The following RPS6KA2 variants were observed in gnomAD, a reference collection of about 807,000 sequenced individuals.
The protein encoded by RPS6KA2 is ribosomal protein S6 kinase alpha-2.
In RPS6KA2, 42 loss-of-function variants were observed where a neutral mutation model predicts 91.8. The ratio of observed to expected loss-of-function variants is 0.46; its 90% CI spans 0.36 to 0.59. The LOEUF is 0.59. Ranked by LOEUF, RPS6KA2 falls within the 20% of genes least tolerant of loss-of-function variation. RPS6KA2 has a pLI of 0.00. For synonymous variants in RPS6KA2, 414 were observed against 393.6 expected (o/e 1.05, Z -0.61); for missense variants, 798 against 978.5 (o/e 0.82, Z 2.46).
At chr6:166,672,377 C>T (rs1471460789) in intron 2 of RPS6KA2, among the ~76,000 whole-genome samples, 2 of 152,210 alleles carry the variant, frequency 1.3e-5, no homozygotes, top group East Asian at 1.9e-4. Flanking sequence ...AGATAACAAG[C>T]ATAACCAGTC....
At chr6:166,636,074 T>C (rs1041298086) in intron 2 of RPS6KA2, among the ~76,000 whole-genome samples, 2 of 152,202 alleles carry the variant, frequency 1.3e-5, no homozygotes, top group Non-Finnish European at 2.9e-5. Context: ...CTGCCTACAC[T>C]GACTCTGCTA....
chr6:166,594,754 G>A (rs1785482780), intron 1 of RPS6KA2, among the ~76,000 whole-genome samples: 1 of 152,126 alleles, frequency 6.6e-6, no homozygotes, highest in Non-Finnish European at 1.5e-5. Flanking sequence ...GAGCCACTGC[G>A]CCCAGCCCAA....
chr6:166,630,566 C>A (rs1046755539), upstream of RPS6KA2, among the ~76,000 whole-genome samples: 4 of 152,242 alleles, frequency 2.6e-5, no homozygotes, highest in Non-Finnish European at 5.9e-5. Flanking sequence ...TGGCCATCTG[C>A]GAAAGCAGGA....
intron 1 of RPS6KA2, among the ~76,000 whole-genome samples, chr6:166,624,925 C>G (rs1007659411): frequency 6.6e-6 from 1 of 152,094 alleles, no homozygotes; most frequent in South Asian, 2.1e-4. Flanking sequence ...CCTCTGACTC[C>G]CTGGTTCAAG....
At chr6:166,482,928 T>C (rs1781283583) in intron 10 of RPS6KA2, among the ~76,000 whole-genome samples, 1 of 152,184 alleles carries the variant, frequency 6.6e-6, no homozygotes. Flanking sequence ...TCATTTTAAA[T>C]TAGTTGCCTC....
chr6:166,846,231 A>AC (rs1780601784), intron 2 of RPS6KA2, among the ~76,000 whole-genome samples: 1 of 151,636 alleles, frequency 6.6e-6, no homozygotes, highest in South Asian at 2.1e-4. Context: ...ATTGCCAACA[A>AC]AAAAAAAGTC....
At chr6:166,679,426 T>C (rs767716916) in intron 2 of RPS6KA2, among the ~76,000 whole-genome samples, 1 of 152,200 alleles carries the variant, frequency 6.6e-6, no homozygotes, top group Non-Finnish European at 1.5e-5. Context: ...ATCACACCAC[T>C]GCACTCCAGC....
chr6:166,626,773 G>T lies in RPS6KA2; in HGVS notation c.99+148C>A. ...CCAGCGATAACGTTTGGAGCCGTTT[G>T]GTTCGATTTTCGGAACCGGACCAGC... On this transcript the variant is annotated intron_variant, in intron 1 of 20. Coordinates refer to ENST00000265678, the MANE Select transcript of RPS6KA2 (RefSeq NM_021135.6). This position sits in a 1 kb window ranked among gnomAD's most constrained non-coding sequence, Gnocchi z 4.1. 7.6e-5 allele frequency: 43 copies of T among 564,276 alleles called. No individual in the cohort carries two copies. Among genetic ancestry groups the T allele is most frequent in the Non-Finnish European group, 8.0e-5 (30 of 372,770 alleles). The allele number at this position is 564,276 out of a possible 1,614,324, so 35.0% of individuals were successfully genotyped here. A position where few individuals can be genotyped will look rare whatever the true frequency, so the allele number is the denominator to read the frequency against.
At chr6:166,544,863 C>T (rs1783775567) in intron 1 of RPS6KA2, among the ~76,000 whole-genome samples, 1 of 152,228 alleles carries the variant, frequency 6.6e-6, no homozygotes, top group African/African-American at 2.4e-5. Context: ...CAACAAGTTT[C>T]CCTTCCATTT....
At chr6:166,460,877 C>T (rs1182074384) in intron 11 of RPS6KA2, 1 of 152,330 alleles carries the variant, frequency 6.6e-6, no homozygotes, top group Non-Finnish European at 1.5e-5. Context: ...AAAACCTGTT[C>T]TACATCTCTG....
chr6:166,480,671 C>T (rs1287551173), intron 10 of RPS6KA2, among the ~76,000 whole-genome samples: 2 of 151,688 alleles, frequency 1.3e-5, no homozygotes, highest in African/African-American at 2.4e-5. Flanking sequence ...CCCATCATCA[C>T]ACCCAGTTGA....
rs59606557 is a variant in RPS6KA2, at chr6:166,557,975, GGTGTGT to G, written c.100-19197_100-19192del. 2.9e-3 allele frequency among the ~76,000 whole-genome samples: 437 copies of G among 151,012 alleles called. 2 individuals carry two copies. The highest frequency in any genetic ancestry group is 0.01 in the African/African-American group (417 of 41,190). ...AGAGATGTATATGTATATACAGAGG[GGTGTGT>G]GTGTGTGTGTATATATGTATGTGTA... On this transcript the variant is annotated intron_variant, in intron 1 of 20. Coordinates refer to ENST00000265678, the MANE Select transcript of RPS6KA2 (RefSeq NM_021135.6). The surrounding 1 kb of genome is among the most constrained non-coding windows in gnomAD (Gnocchi z 4.8).
At chr6:166,744,045 C>T (rs1790903345) in intron 2 of RPS6KA2, among the ~76,000 whole-genome samples, 1 of 152,132 alleles carries the variant, frequency 6.6e-6, no homozygotes, top group South Asian at 2.1e-4. Context: ...AGCCATCCCA[C>T]CCGTGTCTCA....
At chr6:166,594,319 AAAT>A (rs1402561437) in intron 1 of RPS6KA2, among the ~76,000 whole-genome samples, 4 of 152,240 alleles carry the variant, frequency 2.6e-5, no homozygotes, top group Non-Finnish European at 5.9e-5. Context: ...AGAAAATGTT[AAAT>A]AATTTGAGTT....
At chr6:166,758,629 T>TG (rs1046857195) in intron 2 of RPS6KA2, among the ~76,000 whole-genome samples, 3 of 152,154 alleles carry the variant, frequency 2.0e-5, no homozygotes, top group African/African-American at 7.2e-5. Flanking sequence ...AACCTACAGA[T>TG]GCAACAGAAG....
chr6:166,783,404 C>T (rs934813885), intron 2 of RPS6KA2, among the ~76,000 whole-genome samples: 1 of 152,068 alleles, frequency 6.6e-6, no homozygotes, highest in Non-Finnish European at 1.5e-5. Flanking sequence ...CATCTACTCC[C>T]ACTAGAATTC....
chr6:166,531,341 A>C, intron 2 of RPS6KA2, 28 bp from the exon 3 acceptor site: 1 of 1,552,056 alleles, frequency 6.4e-7, no homozygotes. Context: ...GAACATCAGA[A>C]ACCCGTAAGA....
chr6:166,512,377 T>C (rs905918774), intron 3 of RPS6KA2, among the ~76,000 whole-genome samples: 1 of 152,188 alleles, frequency 6.6e-6, no homozygotes, highest in African/African-American at 2.4e-5. Flanking sequence ...GGGTATAACA[T>C]TGGTGAGGAC....
At chr6:166,723,077 G>GAGTA (rs1300782317) in intron 2 of RPS6KA2, among the ~76,000 whole-genome samples, 1 of 152,198 alleles carries the variant, frequency 6.6e-6, no homozygotes, top group Non-Finnish European at 1.5e-5. Flanking sequence ...AATACTGTTG[G>GAGTA]AGTAAGGCCC....
Sources: allele counts gnomAD v4.1 joint callset (sites outside exome capture counted in the v4.1 genomes callset), GRCh38; gene constraint gnomAD v4.1.1; non-coding constraint Gnocchi (gnomAD v3.1); transcripts MANE v1.5; gene names NCBI Gene and HGNC (gene_info 2026-07-23, HGNC 2026-07-21).